The following ZNF569 variants were observed in gnomAD, a reference collection of about 807,000 sequenced individuals.
The protein encoded by ZNF569 is DNA-binding protein.
Under a neutral mutation model 56.3 loss-of-function variants are expected in ZNF569, and 38 were observed. That is an observed-to-expected ratio of 0.68 (90% CI 0.52 to 0.88). The LOEUF (loss-of-function observed/expected upper bound fraction) is 0.88, where lower values mean the gene tolerates loss of function less well. ZNF569 is among the 40% of genes least tolerant of loss of function. The pLI is 0.00. For missense variants in ZNF569, 666 were observed against 809.2 expected (o/e 0.82, Z 2.15); for synonymous variants, 241 against 262.9 (o/e 0.92, Z 0.81).
intron 2 of ZNF569, chr19:37,454,939 C>A: frequency 1.4e-6 from 1 of 694,520 alleles, no homozygotes; most frequent in Admixed American, 2.1e-5. Flanking sequence ...TACTTGGTTG[C>A]CCTGTGACCT....
intron 5 of ZNF569, among the ~76,000 whole-genome samples, chr19:37,421,477 AT>A (rs1341527851): frequency 1.3e-5 from 2 of 152,062 alleles, no homozygotes; most frequent in Non-Finnish European, 2.9e-5. Flanking sequence ...TTTACCTTGT[AT>A]TTTTATGTTA....
chr19:37,465,681 C>T (rs2041819092), intron 1 of ZNF569, among the ~76,000 whole-genome samples: 1 of 152,070 alleles, frequency 6.6e-6, no homozygotes, highest in Admixed American at 6.5e-5. Flanking sequence ...TATACTATGC[C>T]AATAATACTG....
At chr19:37,462,775 T>C (rs2146979722) in intron 2 of ZNF569, among the ~76,000 whole-genome samples, 1 of 152,322 alleles carries the variant, frequency 6.6e-6, no homozygotes, top group Non-Finnish European at 1.5e-5. Flanking sequence ...CCTTTCTCTA[T>C]CTATCCTACC....
chr19:37,461,884 C>T (rs2041762745), intron 2 of ZNF569, among the ~76,000 whole-genome samples: 1 of 152,194 alleles, frequency 6.6e-6, no homozygotes, highest in South Asian at 2.1e-4. Flanking sequence ...GCCTGTCTGG[C>T]TGCAACTATG....
rs574997999 is a variant in ZNF569, at chr19:37,418,033, G to A, written c.239-3614C>T. 9.9e-5 allele frequency among the ~76,000 whole-genome samples: 15 copies of A among 151,820 alleles called. No homozygotes were observed. The East Asian group carries it at 2.3e-3, about 24-fold the overall frequency. On this transcript the variant is annotated intron_variant, in intron 5 of 5. Coordinates refer to ENST00000316950, the MANE Select transcript of ZNF569 (RefSeq NM_152484.3). ...GGAGAATCGCTTGAACCTGGGAGGC[G>A]GAGGTTGCAGTGAGCCAAGATCGCG...
chr19:37,412,492 T>C lies in ZNF569; in HGVS notation c.*105A>G. ...TAAATTTGTGGCTTTTTCAGAAGGC[T>C]ATCCCACATTCATAGTTTTCTACTC... On this transcript the variant is annotated 3_prime_UTR_variant, in exon 6 of 6. Transcript: ENST00000316950. 1 of 1,399,506 alleles carries C rather than the reference T, an allele frequency of 7.1e-7. No individual in the cohort carries two copies. The highest frequency in any genetic ancestry group is 9.3e-7 in the Non-Finnish European group (1 of 1,076,318). The allele number at this position is 1,399,506 out of a possible 1,614,324, so 86.7% of individuals were successfully genotyped here.
chr19:37,448,430 C>G (rs900962115), intron 2 of ZNF569, among the ~76,000 whole-genome samples: 2 of 151,546 alleles, frequency 1.3e-5, no homozygotes, highest in African/African-American at 2.4e-5. Context: ...ATCTTTCATT[C>G]CTGATATTAT....
upstream of ZNF569, chr19:37,467,691 G>A (rs1179939522): frequency 4.8e-6 from 3 of 622,754 alleles, no homozygotes; most frequent in African/African-American, 3.7e-5. Context: ...TCCTGACAGC[G>A]GCTAGAAGAG....
At chr19:37,464,670 G>T (rs966983497) in intron 2 of ZNF569, among the ~76,000 whole-genome samples, 11 of 152,100 alleles carry the variant, frequency 7.2e-5, no homozygotes, top group Admixed American at 7.2e-4. Flanking sequence ...ATACCATCTA[G>T]GTTGTGTAAG....
chr19:37,446,983 C>T (rs2041508584), intron 2 of ZNF569, among the ~76,000 whole-genome samples: 2 of 152,094 alleles, frequency 1.3e-5, no homozygotes, highest in South Asian at 4.1e-4. Context: ...ATACAAATGG[C>T]CAACGAACGT....
Position 37,413,306 on chromosome 19 carries a change from G to C in ZNF569, c.1352C>G (p.Ser451Ter). The change falls in exon 6 of 6, where the codon TCA becomes TGA. Residue 451 changes from serine (S) to a stop codon, truncating the protein, a stop_gained. Coordinates refer to ENST00000316950, the MANE Select transcript of ZNF569 (RefSeq NM_152484.3). LOFTEE classifies it high-confidence loss of function. ...NECGKAFIQM[S>*]NLVRHQRIHT... ...AATTCTCTGGTGTCTAACAAGATTT[G>C]ACATCTGTATAAAAGCTTTCCCACA... The C allele has an allele frequency of 3.1e-6, 5 of 1,609,196 alleles. No homozygotes were observed. Among genetic ancestry groups the C allele is most frequent in the Non-Finnish European group, 4.2e-6 (5 of 1,178,492 alleles).
At chr19:37,424,022 T>G (rs992141796) in intron 5 of ZNF569, among the ~76,000 whole-genome samples, 1 of 152,198 alleles carries the variant, frequency 6.6e-6, no homozygotes, top group Non-Finnish European at 1.5e-5. Flanking sequence ...TATATATAGA[T>G]GCACACCTAC....
At chr19:37,436,091 G>A (rs1030763072) in intron 3 of ZNF569, among the ~76,000 whole-genome samples, 1 of 151,952 alleles carries the variant, frequency 6.6e-6, no homozygotes, top group Admixed American at 6.6e-5. Context: ...GACCATGTTA[G>A]GCCATAAACC....
Position 37,457,254 on chromosome 19 carries a change from C to T in ZNF569, c.-44+8059G>A, listed in dbSNP as rs117083079. Among the ~76,000 whole-genome samples, 121 of 152,198 alleles carry T rather than the reference C, an allele frequency of 8.0e-4. 1 individual carries two copies. The East Asian group carries it at 0.019, about 24-fold the overall frequency. On this transcript the variant is annotated intron_variant, in intron 2 of 5. Transcript: ENST00000316950. ...ATTATCTCTATACTTCCCTAGTTGT[C>T]GCAACAATATCCTTTAAAACCAATT...
chr19:37,460,546 AAAC>A (rs2041741087), intron 2 of ZNF569, among the ~76,000 whole-genome samples: 1 of 152,176 alleles, frequency 6.6e-6, no homozygotes, highest in Admixed American at 6.5e-5. Context: ...AAAAAAAAAA[AAAC>A]AACTATATAT....
At chr19:37,458,698 G>C (rs777742026) in intron 2 of ZNF569, among the ~76,000 whole-genome samples, 4 of 152,136 alleles carry the variant, frequency 2.6e-5, no homozygotes, top group African/African-American at 4.8e-5. Flanking sequence ...TCATGGCCCA[G>C]CACAACCTAT....
chr19:37,430,266 T>G (rs910154812), intron 3 of ZNF569, among the ~76,000 whole-genome samples: 2 of 151,030 alleles, frequency 1.3e-5, no homozygotes. Flanking sequence ...ATGCATAATT[T>G]AAGTATAAGT....
intron 2 of ZNF569, among the ~76,000 whole-genome samples, chr19:37,453,542 C>G (rs1388673791): frequency 6.6e-6 from 1 of 152,188 alleles, no homozygotes; most frequent in African/African-American, 2.4e-5. Flanking sequence ...TTCTTGCTTG[C>G]ATGGTCTCTG....
At position 37,413,214 on chromosome 19, in the gene ZNF569, T is replaced by C; in HGVS notation, c.1444A>G (p.Ile482Val). 1 of 1,608,080 alleles carries C rather than the reference T, an allele frequency of 6.2e-7. No individual in the cohort carries two copies. Among genetic ancestry groups the C allele is most frequent in the Non-Finnish European group, 8.5e-7 (1 of 1,177,132 alleles). ...CCAGAATGAATTTTTTCATGAGCAA[T>C]GAGATTTGATTTCTGGCTAAAGGCT... ...GKAFSQKSNL[I>V]AHEKIHSGEK... The change falls in exon 6 of 6, where the codon ATT becomes GTT. Residue 482 changes from isoleucine (I) to valine (V), a missense_variant. Transcript: ENST00000316950.
Sources: gnomAD v4.1 joint callset for allele counts (sites outside exome capture counted in the v4.1 genomes callset) on GRCh38, gnomAD v4.1.1 for gene constraint, MANE v1.5 for transcripts, NCBI Gene and HGNC (gene_info 2026-07-23, HGNC 2026-07-21) for gene names.